GABRB1: variants seen among roughly 807,000 people sequenced by gnomAD.
GABRB1 encodes the protein gamma-aminobutyric acid type A receptor subunit beta1, also known as gamma-aminobutyric acid receptor subunit beta-1.
A neutral mutation model predicts 51.6 loss-of-function variants in GABRB1; 17 were observed. That is an observed-to-expected ratio of 0.33 (90% confidence interval 0.23 to 0.49). The LOEUF (loss-of-function observed/expected upper bound fraction) is 0.49, where lower values mean the gene tolerates loss of function less well. GABRB1 is among the 20% of genes least tolerant of loss of function. GABRB1 has a pLI of 0.99. For synonymous variants in GABRB1, 247 were observed against 218.9 expected (o/e 1.13, Z -1.14); for missense variants, 410 against 600.6 (o/e 0.68, Z 3.32).
intron 4 of GABRB1, among the ~76,000 whole-genome samples, chr4:47,237,506 G>T (rs756182493): frequency 1.4e-4 from 21 of 152,040 alleles, no homozygotes; most frequent in African/African-American, 5.1e-4. Flanking sequence ...CATTCTGACT[G>T]AGGAAAATGG....
chr4:47,211,075 A>G (rs1489403410), intron 4 of GABRB1, among the ~76,000 whole-genome samples: 7 of 152,192 alleles, frequency 4.6e-5, no homozygotes, highest in Admixed American at 4.6e-4. Context: ...TTGATTAACC[A>G]GCTGACATGT....
chr4:47,312,070 T>C lies in GABRB1; in HGVS notation c.462-8057T>C, dbSNP rs61334470. ...GTGTGTGTGTGTGTGTGTGTGTGTGTGCGCGTGCATACAGGCATGCTTGGT... is the reference window on the plus strand; with the variant it reads ...GTGTGTGTGTGTGTGTGTGTGTGTGCGCGCGTGCATACAGGCATGCTTGGT... On this transcript the variant is annotated intron_variant, in intron 4 of 8. Transcript: ENST00000295454. Among the ~76,000 whole-genome samples the C allele has an allele frequency of 3.0e-3, 450 of 149,430 alleles. 2 individuals carry two copies. The highest frequency in any genetic ancestry group is 0.015 in the East Asian group (77 of 4,988).
chr4:47,073,566 T>C (rs890170037), intron 3 of GABRB1, among the ~76,000 whole-genome samples: 4 of 152,196 alleles, frequency 2.6e-5, no homozygotes, highest in Non-Finnish European at 5.9e-5. Flanking sequence ...CACTTCAGGA[T>C]GACTCAAACC....
chr4:47,226,320 C>T (rs954839480), intron 4 of GABRB1, among the ~76,000 whole-genome samples: 2 of 152,030 alleles, frequency 1.3e-5, no homozygotes, highest in Non-Finnish European at 2.9e-5. Context: ...TCAAGGAATG[C>T]CTATGAATGA....
At chr4:47,343,662 T>G (rs114771600) in intron 5 of GABRB1, among the ~76,000 whole-genome samples, 190 of 152,270 alleles carry the variant, frequency 1.2e-3, no homozygotes, top group Non-Finnish European at 2.3e-3. Flanking sequence ...GGTTGCAAAA[T>G]GAGACTTAGA....
intron 5 of GABRB1, among the ~76,000 whole-genome samples, chr4:47,336,859 C>T (rs1212122018): frequency 2.6e-5 from 4 of 152,120 alleles, no homozygotes; most frequent in Non-Finnish European, 1.5e-5. Flanking sequence ...GGATGTGATG[C>T]AGTTATTGGT....
intron 3 of GABRB1, among the ~76,000 whole-genome samples, chr4:47,150,180 ACAACACACACAC>A (rs999354043): frequency 9.5e-6 from 1 of 104,944 alleles, no homozygotes; most frequent in African/African-American, 3.7e-5. Context: ...ACACACACAC[ACAACACACACAC>A]ACACACACAC....
intron 4 of GABRB1, among the ~76,000 whole-genome samples, chr4:47,273,870 C>CATAT (rs71195615): frequency 6.7e-6 from 1 of 148,670 alleles, no homozygotes; most frequent in Non-Finnish European, 1.5e-5. Flanking sequence ...TACATACACA[C>CATAT]ACACACACAC....
chr4:47,090,570 C>T (rs1458902608), intron 3 of GABRB1, among the ~76,000 whole-genome samples: 3 of 152,194 alleles, frequency 2.0e-5, no homozygotes, highest in African/African-American at 2.4e-5. Flanking sequence ...ATGCCCTCAC[C>T]GTGATTATCT....
chr4:47,056,219 C>G (rs1726593093), intron 3 of GABRB1, among the ~76,000 whole-genome samples: 1 of 152,218 alleles, frequency 6.6e-6, no homozygotes, highest in African/African-American at 2.4e-5. Context: ...ACTGTCCTTT[C>G]AGAGGTCTTT....
chr4:47,231,426 G>T (rs10025516), intron 4 of GABRB1, among the ~76,000 whole-genome samples: 1 of 151,848 alleles, frequency 6.6e-6, no homozygotes, highest in East Asian at 1.9e-4. Flanking sequence ...AGTTTCCAAT[G>T]ATCCTGAAAT....
chr4:47,173,790 T>C (rs2109759110), intron 4 of GABRB1, among the ~76,000 whole-genome samples: 1 of 152,264 alleles, frequency 6.6e-6, no homozygotes, highest in Non-Finnish European at 1.5e-5. Context: ...GATTTGCTTT[T>C]CTAAAGTGCA....
chr4:47,246,384 ATATATATATAT>A (rs1306772325), intron 4 of GABRB1, among the ~76,000 whole-genome samples: 18 of 59,624 alleles, frequency 3.0e-4, no homozygotes, highest in African/African-American at 1.3e-3. Flanking sequence ...ATATATATAT[ATATATATATAT>A]AAAATACCAC....
chr4:47,169,657 G>A (rs141900582), intron 4 of GABRB1, among the ~76,000 whole-genome samples: 2,454 of 151,982 alleles, frequency 0.016, 78 homozygotes, highest in African/African-American at 0.056. Flanking sequence ...ACGTGCCACC[G>A]CACCCAGCTA....
intron 5 of GABRB1, among the ~76,000 whole-genome samples, chr4:47,400,937 T>G (rs1156278787): frequency 6.9e-6 from 1 of 145,150 alleles, no homozygotes; most frequent in Non-Finnish European, 1.5e-5. Flanking sequence ...TTTTTTTTTT[T>G]TTTTTTTTTG....
chr4:47,334,862 T>C (rs1725636813), intron 5 of GABRB1, among the ~76,000 whole-genome samples: 1 of 152,210 alleles, frequency 6.6e-6, no homozygotes, highest in Non-Finnish European at 1.5e-5. Context: ...TTTCTCATGA[T>C]GTGTTAAAGC....
At chr4:47,132,537 T>C (rs1450381536) in intron 3 of GABRB1, among the ~76,000 whole-genome samples, 1 of 152,144 alleles carries the variant, frequency 6.6e-6, no homozygotes, top group Non-Finnish European at 1.5e-5. Flanking sequence ...GGCACCTGAG[T>C]CCACTCATTT....
At chr4:47,087,059 G>T (rs564472959) in intron 3 of GABRB1, among the ~76,000 whole-genome samples, 3 of 152,092 alleles carry the variant, frequency 2.0e-5, no homozygotes, top group Non-Finnish European at 2.9e-5. Flanking sequence ...TATAACCAAC[G>T]TCTCACAAAA....
chr4:47,316,207 A>C (rs1161913324), intron 4 of GABRB1, among the ~76,000 whole-genome samples: 1 of 151,778 alleles, frequency 6.6e-6, no homozygotes, highest in Admixed American at 6.6e-5. Flanking sequence ...TTTGGTGGTA[A>C]TTAATATACT....
Sources: gnomAD v4.1 joint callset for allele counts (sites outside exome capture counted in the v4.1 genomes callset) on GRCh38, gnomAD v4.1.1 for gene constraint, MANE v1.5 for transcripts, NCBI Gene and HGNC (gene_info 2026-07-23, HGNC 2026-07-21) for gene names.